Variants in GOLGB1 observed in about 807,000 individuals in gnomAD.
GOLGB1 encodes the protein golgin B1.
GOLGB1 carries 174 observed loss-of-function variants against 336.9 expected under a neutral mutation model. The observed-to-expected ratio is 0.52, with a 90% CI of 0.46 to 0.59. GOLGB1 has a LOEUF of 0.59. Ranked by LOEUF, GOLGB1 falls within the 20% of genes least tolerant of loss-of-function variation. The pLI, the probability that GOLGB1 is intolerant of heterozygous loss-of-function variation, is 0.00. For missense variants in GOLGB1, 3,331 were observed against 3,645.3 expected, an observed-to-expected ratio of 0.91 and a Z score of 2.22; for synonymous variants, 1,208 against 1,289.2, an observed-to-expected ratio of 0.94 and a Z score of 1.35.
intron 14 of GOLGB1, among the ~76,000 whole-genome samples, chr3:121,682,246 G>T (rs193132927): frequency 2.0e-5 from 3 of 152,300 alleles, no homozygotes. Context: ...CCTTGTTAGG[G>T]TTCTTAACTT....
At position 121,664,468 on chromosome 3, in the gene GOLGB1, T is replaced by A; in HGVS notation, c.*12A>T. The A allele has an allele frequency of 6.2e-7, 1 of 1,611,442 alleles. No homozygotes were observed. The highest frequency in any genetic ancestry group is 8.5e-7 in the Non-Finnish European group (1 of 1,177,836). On this transcript the variant is annotated 3_prime_UTR_variant, in exon 22 of 22. Transcript: ENST00000614479. ...GTTTTGAGGGGAGTGGTCCAAAGAG[T>A]AACAACTAAGTCTATAGATGGCCCG... is the stretch of plus-strand genomic sequence containing the variant.
rs185449452 is a variant in GOLGB1 at position 121,669,186 on chromosome 3, C to T, written c.9321+26G>A. 21 of 1,610,658 alleles carry T rather than the reference C, an allele frequency of 1.3e-5. No individual in the cohort carries two copies. The African/African-American group carries it at 2.5e-4, about 19-fold the overall frequency. On this transcript the variant is annotated intron_variant, in intron 18 of 21. Transcript: ENST00000614479. The stretch of plus-strand genomic sequence containing the variant: ...GCACTAAATTTCATCACACTTCTCC[C>T]AGTCTCTCACCTTCTCTTTACTCAC...
At chr3:121,736,739 C>T (rs1439410469) in intron 1 of GOLGB1, among the ~76,000 whole-genome samples, 1 of 152,036 alleles carries the variant, frequency 6.6e-6, no homozygotes, top group Non-Finnish European at 1.5e-5. Context: ...TCCGTCTCTA[C>T]TAAAAAATAC....
chr3:121,718,302 A>G, intron 8 of GOLGB1, 86 bp downstream of exon 8: 1 of 784,364 alleles, frequency 1.3e-6, no homozygotes, highest in East Asian at 2.5e-5. Flanking sequence ...TGAAGACTTT[A>G]AATAGGCTTT....
At position 121,681,674 on chromosome 3, in the gene GOLGB1, TTA is replaced by T. The variant is rs1291034056; in HGVS notation, c.8873+11_8873+12del. ...AATGAAAAGAGTTGAAAAGGAGGGATTATATATAGTACCTGAGCTGATGCAGC... is the reference window on the plus strand; with the variant it reads ...AATGAAAAGAGTTGAAAAGGAGGGATTATATAGTACCTGAGCTGATGCAGC... On this transcript the variant is annotated intron_variant, in intron 15 of 21. Transcript: ENST00000614479. The T allele has an allele frequency of 5.9e-6, 9 of 1,527,880 alleles. No homozygotes were observed. The highest frequency in any genetic ancestry group is 8.0e-6 in the Non-Finnish European group (9 of 1,123,740). 94.6% of individuals were successfully genotyped at this position (1,527,880 alleles called of 1,614,324 possible). A position where few individuals can be genotyped will look rare whatever the true frequency, so the allele number is the denominator to read the frequency against.
chr3:121,748,249 T>C (rs547187064), intron 1 of GOLGB1, among the ~76,000 whole-genome samples: 5 of 152,338 alleles, frequency 3.3e-5, no homozygotes, highest in South Asian at 2.1e-4. Context: ...ACAAGGCTTT[T>C]TAAAAACTTC....
Position 121,691,749 on chromosome 3 carries a change from T to C in GOLGB1, c.7615A>G (p.Ile2539Val), listed in dbSNP as rs1323738692. ...TGGTTCAGGTCTTCTCTATATTGGA[T>C]CAGTTCTGCATCTAGCTTGGCATTC... ...SENAKLDAEL[I>V]QYREDLNQVI... is the part of the protein sequence containing the mutation. The change falls in exon 14 of 22, where the codon ATC (isoleucine) becomes GTC (valine). Residue 2539 changes from isoleucine to valine, a missense_variant. Transcript: ENST00000614479. 6.2e-7 allele frequency: 1 copy of C among 1,613,540 alleles called. No individual in the cohort carries two copies. The highest frequency in any genetic ancestry group is 8.5e-7 in the Non-Finnish European group (1 of 1,179,660).
chr3:121,704,684 G>A (rs1943667162), intron 10 of GOLGB1, among the ~76,000 whole-genome samples: 1 of 149,436 alleles, frequency 6.7e-6, no homozygotes, highest in Non-Finnish European at 1.5e-5. Flanking sequence ...GCTGAGGCAG[G>A]AGAATTGCTT....
In GOLGB1 at chr3:121,698,930, C is replaced by A; in HGVS notation, c.1594-1G>T. The A allele has an allele frequency of 2.0e-6, 3 of 1,513,830 alleles. No homozygotes were observed. Among genetic ancestry groups the A allele is most frequent in the South Asian group, 1.3e-5 (1 of 75,294 alleles). The allele number at this position is 1,513,830 out of a possible 1,614,324, so 93.8% of individuals were successfully genotyped here. On this transcript the variant is annotated splice_acceptor_variant, in intron 12 of 21. Coordinates refer to ENST00000614479, the MANE Select transcript of GOLGB1 (RefSeq NM_001366282.2). LOFTEE classifies it high-confidence loss of function. ...TGTTGGCAATATCAACAATGCTGAT[C>A]TATTTTTAAAAAAGAAAAAAAAAGC...
intron 17 of GOLGB1, among the ~76,000 whole-genome samples, chr3:121,673,121 G>A (rs1462667053): frequency 6.6e-6 from 1 of 151,430 alleles, no homozygotes; most frequent in Non-Finnish European, 1.5e-5. Context: ...CCAGGCTGGA[G>A]TGCAGTGGCG....
chr3:121,682,405 CTTCTT>C (rs1453004519), intron 14 of GOLGB1, among the ~76,000 whole-genome samples: 1 of 152,128 alleles, frequency 6.6e-6, no homozygotes, highest in Non-Finnish European at 1.5e-5. Context: ...TCCTCATACT[CTTCTT>C]TTTTTTTTGA....
chr3:121,710,236 T>G (rs900053709), intron 10 of GOLGB1, among the ~76,000 whole-genome samples: 1 of 151,930 alleles, frequency 6.6e-6, no homozygotes, highest in Non-Finnish European at 1.5e-5. Context: ...ATTTAAAAAA[T>G]TATTTTCAAA....
chr3:121,689,514 G>A (rs201044215), intron 14 of GOLGB1, among the ~76,000 whole-genome samples: 44 of 151,450 alleles, frequency 2.9e-4, no homozygotes, highest in African/African-American at 9.2e-4. Flanking sequence ...CAAACACTGC[G>A]GAAGGCCGCA....
chr3:121,731,358 TTTTC>T (rs1204672157), intron 1 of GOLGB1, among the ~76,000 whole-genome samples: 2 of 151,842 alleles, frequency 1.3e-5, no homozygotes, highest in Non-Finnish European at 2.9e-5. Flanking sequence ...TGAATTTCTT[TTTTC>T]TTTTTCTTTT....
At position 121,695,343 on chromosome 3, in the gene GOLGB1, G is replaced by C. The variant is rs769141348; in HGVS notation, c.5180C>G (p.Ala1727Gly). 9.3e-6 allele frequency: 15 copies of C among 1,613,670 alleles called. No homozygotes were observed. Among genetic ancestry groups the C allele is most frequent in the East Asian group, 2.2e-5 (1 of 44,892 alleles). Reference sequence around the variant, plus strand: ...CCTTTCAAGTTCTTCCTTCATGCTGGCATTGGAAGAAAGAAGTGTTTCCAT... The same window carrying C: ...CCTTTCAAGTTCTTCCTTCATGCTGCCATTGGAAGAAAGAAGTGTTTCCAT... The part of the protein sequence containing the change: ...ECMETLLSSN[A>G]SMKEELERVK... The change falls in exon 13 of 22, where the codon GCC becomes GGC. Residue 1727 changes from alanine to glycine, a missense_variant. Ala to Gly is a moderately conservative substitution (Grantham distance 60). Coordinates refer to ENST00000614479, the MANE Select transcript of GOLGB1 (RefSeq NM_001366282.2).
chr3:121,743,612 T>TA (rs923646066), intron 1 of GOLGB1, among the ~76,000 whole-genome samples: 9 of 151,764 alleles, frequency 5.9e-5, no homozygotes, highest in South Asian at 2.1e-4. Flanking sequence ...TAAAGTATAA[T>TA]AAAAAAAATA....
At chr3:121,734,595 T>C (rs951987326) in intron 1 of GOLGB1, among the ~76,000 whole-genome samples, 3 of 152,060 alleles carry the variant, frequency 2.0e-5, no homozygotes, top group African/African-American at 7.2e-5. Flanking sequence ...GGTAAATAAA[T>C]ATATGAAAAG....
chr3:121,673,052 T>C (rs1033142961), intron 17 of GOLGB1, among the ~76,000 whole-genome samples: 1 of 151,824 alleles, frequency 6.6e-6, no homozygotes, highest in Non-Finnish European at 1.5e-5. Flanking sequence ...AGCTTTGTTT[T>C]GTGTGTTTTT....
At chr3:121,710,538 T>C (rs183307275) in intron 10 of GOLGB1, among the ~76,000 whole-genome samples, 20 of 152,356 alleles carry the variant, frequency 1.3e-4, no homozygotes, top group Admixed American at 1.3e-3. Flanking sequence ...ATGCACATTT[T>C]TTTCAACAAA....
Sources: allele counts gnomAD v4.1 joint callset (sites outside exome capture counted in the v4.1 genomes callset), GRCh38; gene constraint gnomAD v4.1.1; transcripts MANE v1.5; gene names NCBI Gene and HGNC (gene_info 2026-07-23, HGNC 2026-07-21).